The following MAGI2 variants were observed in gnomAD, a reference collection of about 807,000 sequenced individuals.
The protein encoded by MAGI2 is membrane-associated guanylate kinase, WW and PDZ domain-containing protein 2.
In MAGI2, 35 loss-of-function variants were observed where a neutral mutation model predicts 133.3. That is an observed-to-expected ratio of 0.26 (90% CI 0.20 to 0.35). MAGI2 has a LOEUF of 0.35. Among genes scored for constraint, MAGI2 ranks in the 10% least tolerant of loss-of-function variants. The pLI is 1.00. For synonymous variants in MAGI2, 729 were observed against 710.6 expected (o/e 1.03, Z -0.41); for missense variants, 1,636 against 1,863.4 (o/e 0.88, Z 2.25).
intron 2 of MAGI2, among the ~76,000 whole-genome samples, chr7:78,979,708 T>TG (rs372728585): frequency 8.0e-4 from 122 of 151,936 alleles, no homozygotes; most frequent in African/African-American, 2.7e-3. Context: ...TGACCAGTGT[T>TG]GGGTCTTGTG....
At chr7:78,854,562 C>T (rs538406079) in intron 2 of MAGI2, among the ~76,000 whole-genome samples, 18 of 151,648 alleles carry the variant, frequency 1.2e-4, no homozygotes, top group Non-Finnish European at 2.2e-4. Flanking sequence ...TAACAACAGC[C>T]GTTATAATTA....
At chr7:78,388,312 A>G (rs1795592845) in intron 6 of MAGI2, among the ~76,000 whole-genome samples, 1 of 151,882 alleles carries the variant, frequency 6.6e-6, no homozygotes, top group African/African-American at 2.4e-5. Context: ...CATCATCATC[A>G]TCGGTAGTGG....
intron 10 of MAGI2, among the ~76,000 whole-genome samples, chr7:78,246,556 C>G (rs186853959): frequency 6.6e-6 from 1 of 152,126 alleles, no homozygotes; most frequent in African/African-American, 2.4e-5. Context: ...GCTGCTGAGA[C>G]AAACCCTTCA....
chr7:78,813,841 A>G (rs567993471), intron 2 of MAGI2, among the ~76,000 whole-genome samples: 3 of 151,890 alleles, frequency 2.0e-5, no homozygotes, highest in African/African-American at 7.2e-5. Context: ...CAGGAACTGA[A>G]GGAATAGAAG....
intron 21 of MAGI2, among the ~76,000 whole-genome samples, chr7:78,054,589 C>CTTTTTTT (rs3972364): frequency 1.0e-3 from 143 of 141,832 alleles, no homozygotes; most frequent in African/African-American, 3.4e-3. Context: ...CATAGGCATA[C>CTTTTTTT]TTTTTTTTTT....
chr7:78,555,170 A>AAATAAATAAATAAATGAATG (rs1163688347), intron 3 of MAGI2, among the ~76,000 whole-genome samples: 8 of 66,112 alleles, frequency 1.2e-4, no homozygotes, highest in African/African-American at 2.4e-4. Context: ...ATAAATAAAT[A>AAATAAATAAATAAATGAATG]AATGAATGAT....
At chr7:79,089,802 A>G (rs973453238) in intron 1 of MAGI2, among the ~76,000 whole-genome samples, 1 of 152,028 alleles carries the variant, frequency 6.6e-6, no homozygotes, top group South Asian at 2.1e-4. Context: ...ATGAGAACAC[A>G]TGGTCACAGG....
chr7:79,297,392 T>C (rs1837021094), intron 1 of MAGI2, among the ~76,000 whole-genome samples: 1 of 152,218 alleles, frequency 6.6e-6, no homozygotes, highest in Non-Finnish European at 1.5e-5. Context: ...ATTTCCATCC[T>C]AGTAAAGAGC....
At chr7:78,633,970 C>G (rs1405552149) in intron 2 of MAGI2, among the ~76,000 whole-genome samples, 1 of 152,090 alleles carries the variant, frequency 6.6e-6, no homozygotes, top group Non-Finnish European at 1.5e-5. Flanking sequence ...ATTAATAGTG[C>G]TACTAAGAAA....
rs145574495 is a variant in MAGI2, at chr7:78,851,430, A to G, written c.418+155660T>C. 2.4e-3 allele frequency among the ~76,000 whole-genome samples: 359 copies of G among 152,210 alleles called. 3 individuals are homozygous for G. Among genetic ancestry groups the G allele is most frequent in the African/African-American group, 8.2e-3 (340 of 41,550 alleles). ...GTCTCAGACAGTGACATATGACATA[A>G]GTATTCTTATGAAACATAACAATAA... is the stretch of plus-strand genomic sequence containing the variant. On this transcript the variant is annotated intron_variant, in intron 2 of 21. Transcript: ENST00000354212.
chr7:78,933,340 C>A (rs1204926593), intron 2 of MAGI2, among the ~76,000 whole-genome samples: 1 of 152,098 alleles, frequency 6.6e-6, no homozygotes, highest in Non-Finnish European at 1.5e-5. Flanking sequence ...TCTTTAACAG[C>A]ATGCTAGAAG....
intron 6 of MAGI2, among the ~76,000 whole-genome samples, chr7:78,413,427 G>A (rs1798030298): frequency 2.0e-5 from 3 of 152,086 alleles, no homozygotes; most frequent in African/African-American, 4.8e-5. Flanking sequence ...CACAACATTA[G>A]AGGAACATTA....
chr7:78,596,180 A>AACGG (rs1804580537), intron 3 of MAGI2, among the ~76,000 whole-genome samples: 1 of 31,674 alleles, frequency 3.2e-5, no homozygotes, highest in Admixed American at 4.8e-4. Context: ...GAAATGAAGG[A>AACGG]AGGGAGGGAG....
At chr7:78,717,275 G>GCACACA (rs57370898) in intron 2 of MAGI2, among the ~76,000 whole-genome samples, 7,673 of 150,958 alleles carry the variant, frequency 0.051, 329 homozygotes, top group East Asian at 0.18. Flanking sequence ...ACACAACACA[G>GCACACA]CACACACACA....
At chr7:78,806,706 A>G (rs1435799615) in intron 2 of MAGI2, among the ~76,000 whole-genome samples, 1 of 151,790 alleles carries the variant, frequency 6.6e-6, no homozygotes, top group Non-Finnish European at 1.5e-5. Context: ...TCTCTACAAA[A>G]AAATAAAAAA....
chr7:78,916,166 T>C (rs1200407515), intron 2 of MAGI2, among the ~76,000 whole-genome samples: 2 of 152,130 alleles, frequency 1.3e-5, no homozygotes, highest in African/African-American at 4.8e-5. Context: ...TGTTGTTTAT[T>C]TCAGTCTTAG....
rs1252056973 is a variant in MAGI2, at chr7:79,391,544, TATATATATATATATATATAC to T, written c.301+61456_301+61475del. On this transcript the variant is annotated intron_variant, in intron 1 of 21. Transcript: ENST00000354212. ...ATATATATATATATATATAGACATA[TATATATATATATATATATAC>T]ACACTTTACTGTAAGTTCCAGGCTA... 5.5e-3 allele frequency among the ~76,000 whole-genome samples: 366 copies of T among 67,096 alleles called. 10 individuals are homozygous for T. Among genetic ancestry groups the T allele is most frequent in the African/African-American group, 0.035 (348 of 9,850 alleles). 44.0% of individuals were successfully genotyped at this position (67,096 alleles called of 152,430 possible).
intron 1 of MAGI2, among the ~76,000 whole-genome samples, chr7:79,065,105 G>T (rs2117101529): frequency 6.6e-6 from 1 of 151,976 alleles, no homozygotes; most frequent in Admixed American, 6.6e-5. Flanking sequence ...GGGTCTTTTT[G>T]TTACATGGGC....
At chr7:78,204,135 T>A (rs1829516410) in intron 10 of MAGI2, among the ~76,000 whole-genome samples, 1 of 152,240 alleles carries the variant, frequency 6.6e-6, no homozygotes, top group African/African-American at 2.4e-5. Context: ...CATATGCATG[T>A]ATTGTGTGGT....
Sources: allele counts gnomAD v4.1 joint callset (sites outside exome capture counted in the v4.1 genomes callset), GRCh38; gene constraint gnomAD v4.1.1; transcripts MANE v1.5; gene names NCBI Gene and HGNC (gene_info 2026-07-23, HGNC 2026-07-21).